The following HERC1 variants were observed in gnomAD, a reference collection of about 807,000 sequenced individuals.
The protein encoded by HERC1 is HECT and RLD domain containing E3 ubiquitin protein ligase family member 1.
In HERC1, 160 loss-of-function variants were observed where a neutral mutation model predicts 554.3. The ratio of observed to expected loss-of-function variants is 0.29; its 90% CI spans 0.25 to 0.33. The LOEUF (loss-of-function observed/expected upper bound fraction) is 0.33. Ranked by LOEUF, HERC1 falls within the 10% of genes least tolerant of loss-of-function variation. The pLI is 1.00. For synonymous variants in HERC1, 2,175 were observed against 2,131.7 expected (o/e 1.02, Z -0.56); for missense variants, 4,919 against 5,918.5 (o/e 0.83, Z 5.54).
chr15:63,750,069 T>A (rs542826290), intron 8 of HERC1, among the ~76,000 whole-genome samples: 1 of 152,350 alleles, frequency 6.6e-6, no homozygotes, highest in African/African-American at 2.4e-5. Flanking sequence ...AAACCACTAA[T>A]CGGCTTGCAA....
chr15:63,818,160 ATTAT>A, intron 1 of HERC1, among the ~76,000 whole-genome samples: 1 of 152,126 alleles, frequency 6.6e-6, no homozygotes, highest in South Asian at 2.1e-4. Context: ...GTGTTTAAGT[ATTAT>A]TTATTTTTAA....
chr15:63,723,961 G>C (rs1469582504), intron 18 of HERC1, among the ~76,000 whole-genome samples: 1 of 152,108 alleles, frequency 6.6e-6, no homozygotes, highest in Non-Finnish European at 1.5e-5. Context: ...TGATGATGAG[G>C]TTCTTGGGCT....
At chr15:63,830,351 A>T (rs1386473188) in intron 1 of HERC1, among the ~76,000 whole-genome samples, 1 of 152,256 alleles carries the variant, frequency 6.6e-6, no homozygotes, top group Admixed American at 6.5e-5. Context: ...CAATCAAATC[A>T]TGAGAAAAAA....
intron 25 of HERC1, among the ~76,000 whole-genome samples, chr15:63,701,305 A>T (rs2072711943): frequency 6.6e-6 from 1 of 152,166 alleles, no homozygotes; most frequent in Non-Finnish European, 1.5e-5. Context: ...TCACTGATGG[A>T]AATTTCAATT....
At chr15:63,682,008 G>A (rs188474906) in intron 34 of HERC1, among the ~76,000 whole-genome samples, 1 of 152,196 alleles carries the variant, frequency 6.6e-6, no homozygotes, top group Non-Finnish European at 1.5e-5. Context: ...ATCTCTGAAT[G>A]TGAGGGTGGT....
At chr15:63,719,196 GTA>G (rs1277061062) in intron 19 of HERC1, among the ~76,000 whole-genome samples, 1 of 152,212 alleles carries the variant, frequency 6.6e-6, no homozygotes, top group Non-Finnish European at 1.5e-5. Context: ...ATAAAGCAGG[GTA>G]AGGAGAACAG....
At chr15:63,636,237 C>T (rs1015180178) in intron 64 of HERC1, 95 bp from the exon 65 acceptor site, 29 of 991,652 alleles carry the variant, frequency 2.9e-5, no homozygotes, top group South Asian at 1.5e-4. Flanking sequence ...CAAAAACCAC[C>T]GAATTGGTAC....
At chr15:63,770,562 A>G (rs1374623228) in intron 2 of HERC1, among the ~76,000 whole-genome samples, 2 of 152,258 alleles carry the variant, frequency 1.3e-5, no homozygotes, top group Non-Finnish European at 2.9e-5. Context: ...TTGAAGATGT[A>G]CACTGAGATT....
intron 24 of HERC1, among the ~76,000 whole-genome samples, chr15:63,707,472 T>TG (rs1567036340): frequency 6.6e-6 from 1 of 152,124 alleles, no homozygotes; most frequent in Non-Finnish European, 1.5e-5. Context: ...GTGTATCTGG[T>TG]GGGGGGATGT....
chr15:63,814,337 T>A (rs996081696), intron 1 of HERC1, among the ~76,000 whole-genome samples: 91 of 152,260 alleles, frequency 6.0e-4, no homozygotes, highest in African/African-American at 2.1e-3. Context: ...AACTTTTCTT[T>A]GTGACCCAAA....
At chr15:63,712,703 T>C in intron 24 of HERC1, 72 bp downstream of exon 24, 2 of 1,408,876 alleles carry the variant, frequency 1.4e-6, no homozygotes, top group Non-Finnish European at 1.9e-6. Flanking sequence ...TATTACTTAC[T>C]CTAACCAAAG....
intron 1 of HERC1, among the ~76,000 whole-genome samples, chr15:63,804,947 T>G (rs985176250): frequency 6.6e-6 from 1 of 152,156 alleles, no homozygotes; most frequent in African/African-American, 2.4e-5. Flanking sequence ...TAGGTATTGG[T>G]GAGGATGTCA....
At chr15:63,717,909 C>T (rs2073633827) in intron 21 of HERC1, among the ~76,000 whole-genome samples, 1 of 152,072 alleles carries the variant, frequency 6.6e-6, no homozygotes, top group African/African-American at 2.4e-5. Flanking sequence ...ATCTTCATTT[C>T]CAATGGTAGA....
Position 63,664,346 on chromosome 15 carries a change from T to C in HERC1, c.8680+124A>G, listed in dbSNP as rs142544633. On this transcript the variant is annotated intron_variant, in intron 43 of 77. Transcript: ENST00000443617. ...GCATAGAAAATGATATCCAAATAGC[T>C]GTTCTGTTAATGTGGAGGGACTGAG... is the stretch of plus-strand genomic sequence containing the variant. The C allele has an allele frequency of 2.0e-5, 15 of 742,184 alleles. No homozygotes were observed. In the East Asian group the frequency reaches 3.9e-4, roughly 19 times the overall value. The allele number at this position is 742,184 out of a possible 1,614,324, so 46.0% of individuals were successfully genotyped here.
intron 37 of HERC1, 122 bp from the exon 38 acceptor site, chr15:63,675,239 C>T: frequency 1.4e-6 from 1 of 735,246 alleles, no homozygotes. Context: ...ATAATTTACA[C>T]AAACTAGAGA....
intron 19 of HERC1, 124 bp from the exon 20 acceptor site, chr15:63,719,021 T>G: frequency 1.6e-6 from 1 of 642,376 alleles, no homozygotes; most frequent in Non-Finnish European, 2.7e-6. Flanking sequence ...ACTTAACAAA[T>G]GCACCTCATT....
intron 74 of HERC1, among the ~76,000 whole-genome samples, chr15:63,620,149 CT>C (rs2068009897): frequency 6.6e-6 from 1 of 152,054 alleles, no homozygotes; most frequent in Non-Finnish European, 1.5e-5. Flanking sequence ...AAATTTCCCT[CT>C]ACACACTGCT....
chr15:63,620,996 T>C (rs1393743730), intron 74 of HERC1, among the ~76,000 whole-genome samples: 1 of 152,198 alleles, frequency 6.6e-6, no homozygotes, highest in Non-Finnish European at 1.5e-5. Flanking sequence ...CATTTACATT[T>C]AAGGTTAGTA....
chr15:63,791,598 T>C (rs1403567576), intron 1 of HERC1, among the ~76,000 whole-genome samples: 2 of 152,218 alleles, frequency 1.3e-5, no homozygotes, highest in Non-Finnish European at 2.9e-5. Context: ...TTTAACACAT[T>C]ATGTTGTGGC....
Sources: gnomAD v4.1 joint callset for allele counts (sites outside exome capture counted in the v4.1 genomes callset) on GRCh38, gnomAD v4.1.1 for gene constraint, MANE v1.5 for transcripts, NCBI Gene and HGNC (gene_info 2026-07-23, HGNC 2026-07-21) for gene names.